The following AGRN variants were observed in gnomAD, a reference collection of about 807,000 sequenced individuals.
AGRN encodes agrin proteoglycan.
Under a neutral mutation model 211.0 loss-of-function variants are expected in AGRN, and 106 were observed. The ratio of observed to expected loss-of-function variants is 0.50; its 90% CI spans 0.43 to 0.59. The LOEUF (loss-of-function observed/expected upper bound fraction) is 0.59. Ranked by LOEUF, AGRN falls within the 20% of genes least tolerant of loss-of-function variation. The probability of loss-of-function intolerance (pLI) is 0.00; values close to 1 mark genes in which losing one functional copy is unlikely to be tolerated. For missense variants in AGRN, 3,040 were observed against 2,982.6 expected (o/e 1.02, Z -0.45); for synonymous variants, 1,525 against 1,332.5 (o/e 1.14, Z -3.15).
rs1341491286 is a variant in AGRN at position 1,033,989 on chromosome 1, C to T, written c.464-1288C>T. 1.4e-5 allele frequency: 6 copies of T among 427,240 alleles called. No individual in the cohort carries two copies. In the East Asian group the frequency reaches 9.6e-4, roughly 68 times the overall value. The allele number at this position is 427,240 out of a possible 1,614,324, so 26.5% of individuals were successfully genotyped here. The stretch of plus-strand genomic sequence containing the variant: ...GCCCTCCCTCCGCGGCGTCTTCGCC[C>T]CTCACTCACCTCCCCAGCCCCGCGG... On this transcript the variant is annotated intron_variant, in intron 2 of 35. Coordinates refer to ENST00000379370, the MANE Select transcript of AGRN (RefSeq NM_198576.4).
At chr1:1,041,762 C>T (rs1644946660) in intron 6 of AGRN, 60 bp downstream of exon 6, 2 of 1,453,330 alleles carry the variant, frequency 1.4e-6, no homozygotes, top group East Asian at 5.1e-5. Context: ...GGGCGGCTCC[C>T]CCGGGGGAGG....
chr1:1,024,209 A>T (rs1278598386), intron 2 of AGRN, among the ~76,000 whole-genome samples: 3 of 151,950 alleles, frequency 2.0e-5, no homozygotes, highest in Admixed American at 2.0e-4. Flanking sequence ...GGACAGGGTA[A>T]ATGCCTCCCA....
chr1:1,033,131 G>A (rs917327350), intron 2 of AGRN, among the ~76,000 whole-genome samples: 2 of 151,832 alleles, frequency 1.3e-5, no homozygotes, highest in Non-Finnish European at 2.9e-5. Flanking sequence ...CCACGGACCC[G>A]CAGGGAGTCC....
chr1:1,039,821 G>A (rs376493580), intron 3 of AGRN, among the ~76,000 whole-genome samples: 1 of 152,078 alleles, frequency 6.6e-6, no homozygotes, highest in Admixed American at 6.5e-5. Context: ...GATGCCCAGG[G>A]AGGAGGGGGC....
chr1:1,030,598 G>GTGT (rs1353175278), intron 2 of AGRN, among the ~76,000 whole-genome samples: 2 of 64,864 alleles, frequency 3.1e-5, no homozygotes, highest in Non-Finnish European at 6.5e-5. Flanking sequence ...GGTGCTGTGA[G>GTGT]ATCAGCGTGT....
At chr1:1,036,629 G>A (rs992854214) in intron 3 of AGRN, among the ~76,000 whole-genome samples, 1 of 152,148 alleles carries the variant, frequency 6.6e-6, no homozygotes, top group African/African-American at 2.4e-5. Context: ...GGGAATGGTG[G>A]CTGTGGGAAC....
chr1:1,042,213 T>A (rs1170955416), intron 7 of AGRN, 51 bp downstream of exon 7: 1 of 1,542,830 alleles, frequency 6.5e-7, no homozygotes, highest in Non-Finnish European at 8.7e-7. Context: ...CCTGCGTCAG[T>A]CCCTGCCTGG....
intron 2 of AGRN, among the ~76,000 whole-genome samples, chr1:1,029,354 G>C (rs1384189078): frequency 6.6e-6 from 1 of 151,036 alleles, no homozygotes; most frequent in African/African-American, 2.4e-5. Flanking sequence ...AAGATATGGG[G>C]GATGCCCAAT....
At chr1:1,029,629 A>ATGTGTGTG (rs1413976423) in intron 2 of AGRN, among the ~76,000 whole-genome samples, 4 of 87,960 alleles carry the variant, frequency 4.5e-5, no homozygotes, top group African/African-American at 2.1e-4. Context: ...TGAGATCAGC[A>ATGTGTGTG]TGTGTGTGTG....
chr1:1,022,325 C>T lies in AGRN; in HGVS notation c.326C>T (p.Thr109Ile). The change falls in exon 2 of 36, where the codon ACT becomes ATT. Residue 109 changes from threonine (T) to isoleucine (I), a missense_variant. By Grantham distance (89) the Thr-to-Ile change is moderately conservative. Coordinates refer to ENST00000379370, the MANE Select transcript of AGRN (RefSeq NM_198576.4). Reference protein sequence around the residue: ...DPLICDNQVSTGDTRIFFVNP... With the variant: ...DPLICDNQVSIGDTRIFFVNP... ...CTCATCTGTGACAACCAGGTGTCCACTGGGGACACCAGGATCTTCTTTGTG... is the reference window on the plus strand; with the variant it reads ...CTCATCTGTGACAACCAGGTGTCCATTGGGGACACCAGGATCTTCTTTGTG... The T allele has an allele frequency of 6.2e-7, 1 of 1,613,418 alleles. No homozygotes were observed. The highest frequency in any genetic ancestry group is 1.3e-5 in the African/African-American group (1 of 75,048).
rs1318839175 is a variant in AGRN at position 1,051,374 on chromosome 1, G to T, written c.5370+5G>T. 1 of 1,560,544 alleles carries T rather than the reference G, an allele frequency of 6.4e-7. No homozygotes were observed. The highest frequency in any genetic ancestry group is 1.3e-5 in the African/African-American group (1 of 74,240). ...TTCGACGGTGCCATCCAGCTGGTAT[G>T]TGGGGGCGGGGCGTCCCAGCAGGGC... On this transcript the variant is annotated splice_donor_5th_base_variant and intron_variant, in intron 31 of 35. Coordinates refer to ENST00000379370, the MANE Select transcript of AGRN (RefSeq NM_198576.4).
chr1:1,040,036 G>A (rs1644891130), intron 3 of AGRN, among the ~76,000 whole-genome samples: 1 of 152,212 alleles, frequency 6.6e-6, no homozygotes, highest in Non-Finnish European at 1.5e-5. Context: ...GAGCGGTCAG[G>A]GAGGCGCCAG....
At chr1:1,025,694 A>G (rs1300921687) in intron 2 of AGRN, among the ~76,000 whole-genome samples, 1 of 151,878 alleles carries the variant, frequency 6.6e-6, no homozygotes, top group African/African-American at 2.4e-5. Flanking sequence ...TGCTGCCCCA[A>G]TCTCCCTCCT....
At chr1:1,020,412 T>TCCCCTCCCCTCCCG (rs1644369973) in intron 1 of AGRN, 39 bp downstream of exon 1, 1 of 1,477,086 alleles carries the variant, frequency 6.8e-7, no homozygotes, top group Non-Finnish European at 9.0e-7. Context: ...TCGCGACGCC[T>TCCCCTCCCCTCCCG]GCCGCCCCGC....
At chr1:1,030,377 ATGTGTGTG>A (rs201683978) in intron 2 of AGRN, among the ~76,000 whole-genome samples, 1 of 11,734 alleles carries the variant, frequency 8.5e-5, no homozygotes, top group Non-Finnish European at 2.3e-4. Flanking sequence ...TGAGATCAGC[ATGTGTGTG>A]TGTGTGTGCA....
chr1:1,043,440 C>T lies in AGRN; in HGVS notation c.1586C>T (p.Ala529Val), dbSNP rs752221979. 63 of 1,605,942 alleles carry T rather than the reference C, an allele frequency of 3.9e-5. No individual in the cohort carries two copies. The Admixed American group carries it at 9.2e-4, about 24-fold the overall frequency. Residue 529 changes from alanine (A) to valine (V), a missense_variant, in exon 8 of 36, where the codon GCG (alanine) becomes GTG (valine). Physicochemically the swap from Ala to Val is moderately conservative, Grantham distance 64. Around this residue, in one of 3 missense-constraint regions of AGRN, gnomAD observed 1,498 missense variants for 1,457.8 expected, o/e 1.03. Coordinates refer to ENST00000379370, the MANE Select transcript of AGRN (RefSeq NM_198576.4). ...ACCCTCGGGCGGGAGATCCAGGTGG[C>T]GCGCAAAGGACCCTGTGGTCAGTGG... ...ACTLGREIQV[A>V]RKGPCDRCGQ...
intron 2 of AGRN, among the ~76,000 whole-genome samples, chr1:1,028,226 G>T (rs1242330960): frequency 6.6e-6 from 1 of 151,900 alleles, no homozygotes; most frequent in African/African-American, 2.4e-5. Context: ...GGGCGCAGTC[G>T]TCAGCTGCCG....
At chr1:1,042,576 G>A (rs913127197) in intron 7 of AGRN, among the ~76,000 whole-genome samples, 5 of 152,166 alleles carry the variant, frequency 3.3e-5, no homozygotes, top group African/African-American at 1.2e-4. Flanking sequence ...AGTGGCCGTC[G>A]TGTCCCGTCG....
rs1229808680 is a variant in AGRN, at chr1:1,040,789, G to A, written c.636G>A (p.Ser212=). The change falls in exon 4 of 36, where the codon TCG becomes TCA. Residue 212 remains serine, a synonymous_variant. Transcript: ENST00000379370. ...GCGTGGTGGCGCCTGTGTGTGGGTC[G>A]GACGCCTCCACCTACAGCAACGAAT... ...CPSVVAPVCG[S]DASTYSNECE... 4 of 1,539,376 alleles carry A rather than the reference G, an allele frequency of 2.6e-6. No homozygotes were observed. The South Asian group carries it at 3.6e-5, about 14-fold the overall frequency.
Sources: gnomAD v4.1 joint callset for allele counts (sites outside exome capture counted in the v4.1 genomes callset) on GRCh38, gnomAD v4.1.1 for gene constraint, gnomAD v4.1.1 regional missense constraint, MANE v1.5 for transcripts, NCBI Gene and HGNC (gene_info 2026-07-23, HGNC 2026-07-21) for gene names.